The following ZCCHC7 variants were observed in gnomAD, a reference collection of about 807,000 sequenced individuals.
ZCCHC7 encodes zinc finger CCHC-type containing 7.
Under a neutral mutation model 52.0 loss-of-function variants are expected in ZCCHC7, and 35 were observed. That is an observed-to-expected ratio of 0.67 (90% CI 0.51 to 0.89). The LOEUF (loss-of-function observed/expected upper bound fraction) is 0.89. Among genes scored for constraint, ZCCHC7 ranks in the 40% least tolerant of loss-of-function variants. ZCCHC7 has a pLI of 0.00. For synonymous variants in ZCCHC7, 217 were observed against 221.5 expected (o/e 0.98, Z 0.18); for missense variants, 574 against 649.1 (o/e 0.88, Z 1.26).
chr9:37,271,729 C>T (rs1425212477), intron 2 of ZCCHC7, among the ~76,000 whole-genome samples: 1 of 152,042 alleles, frequency 6.6e-6, no homozygotes, highest in African/African-American at 2.4e-5. Context: ...GCCAACATGC[C>T]TGGCTAATTT....
At chr9:37,336,007 A>G (rs2118355439) in intron 6 of ZCCHC7, among the ~76,000 whole-genome samples, 1 of 152,310 alleles carries the variant, frequency 6.6e-6, no homozygotes, top group East Asian at 1.9e-4. Flanking sequence ...AATAAAACGA[A>G]ATTGAAAAAT....
rs78605169 is a variant in ZCCHC7, at chr9:37,302,189, A to G, written c.612A>G (p.Gly204=). Residue 204 remains glycine, a splice_region_variant and synonymous_variant, in exon 3 of 9, where the codon GGA becomes GGG. Coordinates refer to ENST00000336755, the MANE Select transcript of ZCCHC7 (RefSeq NM_032226.3). ...LVGCENSVTE[G]EDGINWSISD... ...AGTAATAATTTATTTGTTTTGTAGG[A>G]GAAGATGGTATAAACTGGTCCATCA... The G allele has an allele frequency of 2.0e-3, 3,195 of 1,607,698 alleles. 10 individuals are homozygous for G. Among genetic ancestry groups the G allele is most frequent in the South Asian group, 2.9e-3 (262 of 90,046 alleles).
chr9:37,149,414 T>C (rs1193740546), intron 2 of ZCCHC7, among the ~76,000 whole-genome samples: 1 of 150,770 alleles, frequency 6.6e-6, no homozygotes, highest in African/African-American at 2.4e-5. Flanking sequence ...TTCCCACTTA[T>C]TTTTTTTTAG....
chr9:37,269,534 G>A (rs1465311235), intron 2 of ZCCHC7, among the ~76,000 whole-genome samples: 2 of 144,112 alleles, frequency 1.4e-5, no homozygotes, highest in Non-Finnish European at 3.0e-5. Flanking sequence ...CAGGAGGATC[G>A]CTTGAACTGG....
chr9:37,265,472 A>G (rs1163586350), intron 2 of ZCCHC7, among the ~76,000 whole-genome samples: 1 of 152,130 alleles, frequency 6.6e-6, no homozygotes, highest in Non-Finnish European at 1.5e-5. Flanking sequence ...CCATGTTTTT[A>G]TTTAATAGTT....
intron 2 of ZCCHC7, among the ~76,000 whole-genome samples, chr9:37,258,851 A>G (rs1826725948): frequency 6.6e-6 from 1 of 151,912 alleles, no homozygotes; most frequent in African/African-American, 2.4e-5. Flanking sequence ...GAGAAAAGCA[A>G]AAAATAGATA....
At chr9:37,177,334 C>CAATA (rs960842324) in intron 2 of ZCCHC7, among the ~76,000 whole-genome samples, 33 of 151,560 alleles carry the variant, frequency 2.2e-4, no homozygotes, top group Admixed American at 4.6e-4. Context: ...GACTCAGTCT[C>CAATA]AATAAATAAA....
At chr9:37,210,118 C>T (rs1824134242) in intron 2 of ZCCHC7, among the ~76,000 whole-genome samples, 1 of 152,116 alleles carries the variant, frequency 6.6e-6, no homozygotes. Flanking sequence ...TTCCTGCCAG[C>T]TTGATTGTCT....
In ZCCHC7 at chr9:37,341,928, G is replaced by A. The variant is rs556602979; in HGVS notation, c.988-7429G>A. On this transcript the variant is annotated intron_variant, in intron 6 of 8. Coordinates refer to ENST00000336755, the MANE Select transcript of ZCCHC7 (RefSeq NM_032226.3). ...AGTAGGAGATGAGGTTAGAGAGGTG[G>A]GAGGATGCAAATTACAGGCCATTGT... Among the ~76,000 whole-genome samples, 6 of 152,200 alleles carry A rather than the reference G, an allele frequency of 3.9e-5. No homozygotes were observed. The South Asian group carries it at 1.0e-3, about 26-fold the overall frequency.
chr9:37,273,457 C>T (rs931165511), intron 2 of ZCCHC7, among the ~76,000 whole-genome samples: 2 of 152,080 alleles, frequency 1.3e-5, no homozygotes, highest in Admixed American at 6.5e-5. Context: ...GAGCTGAGAT[C>T]GCGCCACTGC....
chr9:37,330,861 A>G (rs1830424678), intron 6 of ZCCHC7, among the ~76,000 whole-genome samples: 2 of 151,572 alleles, frequency 1.3e-5, no homozygotes, highest in East Asian at 3.9e-4. Context: ...ATGGCCACCA[A>G]CAGAGTTTTA....
At chr9:37,156,413 G>A (rs1001695090) in intron 2 of ZCCHC7, among the ~76,000 whole-genome samples, 1 of 152,182 alleles carries the variant, frequency 6.6e-6, no homozygotes, top group Non-Finnish European at 1.5e-5. Flanking sequence ...CAAAGGGAGA[G>A]ATCATATTTT....
chr9:37,269,638 A>C (rs111657158), intron 2 of ZCCHC7, among the ~76,000 whole-genome samples: 55 of 148,906 alleles, frequency 3.7e-4, no homozygotes, highest in Middle Eastern at 3.5e-3. Flanking sequence ...AAAAAAAAAA[A>C]AAAAAAAACA....
intron 2 of ZCCHC7, among the ~76,000 whole-genome samples, chr9:37,140,456 T>G (rs1026469760): frequency 6.6e-6 from 1 of 152,012 alleles, no homozygotes; most frequent in Non-Finnish European, 1.5e-5. Flanking sequence ...TATTATTGGT[T>G]CTTCTGTGTA....
intron 5 of ZCCHC7, among the ~76,000 whole-genome samples, chr9:37,316,912 C>A (rs1323654341): frequency 2.1e-5 from 3 of 146,326 alleles, no homozygotes; most frequent in Admixed American, 6.8e-5. Context: ...AAATTGCAGG[C>A]ATATATAAAG....
chr9:37,125,429 G>A (rs1215346213), intron 1 of ZCCHC7, among the ~76,000 whole-genome samples: 3 of 152,234 alleles, frequency 2.0e-5, no homozygotes, highest in Non-Finnish European at 2.9e-5. Flanking sequence ...AAAGTGTTGG[G>A]ATTACAGGCA....
intron 6 of ZCCHC7, among the ~76,000 whole-genome samples, chr9:37,336,880 G>C (rs1380437732): frequency 6.6e-6 from 1 of 151,996 alleles, no homozygotes; most frequent in Admixed American, 6.6e-5. Context: ...CTCCATCCAT[G>C]TACTAAATGG....
At chr9:37,273,437 A>T (rs1296267453) in intron 2 of ZCCHC7, among the ~76,000 whole-genome samples, 2 of 152,186 alleles carry the variant, frequency 1.3e-5, no homozygotes, top group Non-Finnish European at 2.9e-5. Context: ...TGGGAGGTGG[A>T]GCTTGCAGTG....
chr9:37,128,503 G>T (rs1039425953), intron 2 of ZCCHC7, among the ~76,000 whole-genome samples: 1 of 152,188 alleles, frequency 6.6e-6, no homozygotes, highest in African/African-American at 2.4e-5. Flanking sequence ...GACCACCCAT[G>T]GTTGTAGTTA....
Sources: allele counts gnomAD v4.1 joint callset (sites outside exome capture counted in the v4.1 genomes callset), GRCh38; gene constraint gnomAD v4.1.1; transcripts MANE v1.5; gene names NCBI Gene and HGNC (gene_info 2026-07-23, HGNC 2026-07-21).